MBD5: variants seen among roughly 807,000 people sequenced by gnomAD.
MBD5 encodes methyl-CpG-binding domain protein 5.
In MBD5, 13 loss-of-function variants were observed where a neutral mutation model predicts 117.3. The ratio of observed to expected loss-of-function variants is 0.11; its 90% CI spans 0.07 to 0.18. MBD5 has a LOEUF of 0.18. Ranked by LOEUF, MBD5 falls within the 10% of genes least tolerant of loss-of-function variation. The probability of loss-of-function intolerance (pLI) is 1.00; values close to 1 mark genes in which losing one functional copy is unlikely to be tolerated. For synonymous variants in MBD5, 727 were observed against 766.4 expected (o/e 0.95, Z 0.85); for missense variants, 1,879 against 2,093.8 (o/e 0.90, Z 2.00).
intron 1 of MBD5, among the ~76,000 whole-genome samples, chr2:148,084,734 C>T (rs1044556190): frequency 3.3e-5 from 5 of 152,028 alleles, no homozygotes; most frequent in Non-Finnish European, 4.4e-5. Context: ...TTTTGGGAAC[C>T]AGCCATTATG....
At chr2:148,305,064 C>CAA (rs59840091) in intron 3 of MBD5, among the ~76,000 whole-genome samples, 8 of 128,064 alleles carry the variant, frequency 6.2e-5, no homozygotes, top group Admixed American at 2.3e-4. Context: ...GACTCCGTCT[C>CAA]AAAAAAAAAA....
intron 1 of MBD5, among the ~76,000 whole-genome samples, chr2:148,094,828 A>T (rs1396594827): frequency 1.3e-5 from 2 of 152,190 alleles, no homozygotes; most frequent in Non-Finnish European, 2.9e-5. Flanking sequence ...ATAGCTATAC[A>T]TAGAGATAAT....
At chr2:148,196,900 T>A (rs930555664) in intron 2 of MBD5, among the ~76,000 whole-genome samples, 1 of 152,122 alleles carries the variant, frequency 6.6e-6, no homozygotes, top group African/African-American at 2.4e-5. Context: ...ATAGATTGTA[T>A]AGCATTTGGT....
At chr2:148,507,318 T>C (rs1682062836) in intron 12 of MBD5, among the ~76,000 whole-genome samples, 1 of 152,204 alleles carries the variant, frequency 6.6e-6, no homozygotes, top group South Asian at 2.1e-4. Context: ...AAAACTATAG[T>C]CAAATATCCA....
intron 1 of MBD5, among the ~76,000 whole-genome samples, chr2:148,165,296 AGAAT>A (rs1167832286): frequency 4.6e-5 from 7 of 152,132 alleles, no homozygotes; most frequent in African/African-American, 1.7e-4. Flanking sequence ...AATATTACAT[AGAAT>A]GAAATGAATT....
intron 1 of MBD5, among the ~76,000 whole-genome samples, chr2:148,134,802 T>G (rs915289515): frequency 1.2e-4 from 18 of 152,230 alleles, no homozygotes; most frequent in African/African-American, 4.3e-4. Context: ...TTCTTATCCA[T>G]TTAGTTTTAA....
intron 3 of MBD5, among the ~76,000 whole-genome samples, chr2:148,297,382 C>G (rs946882290): frequency 2.0e-4 from 31 of 152,160 alleles, no homozygotes; most frequent in African/African-American, 7.5e-4. Flanking sequence ...GAGCACGCAG[C>G]CTTTCCCATG....
At chr2:148,435,363 G>A (rs533816479) in intron 4 of MBD5, among the ~76,000 whole-genome samples, 1 of 152,190 alleles carries the variant, frequency 6.6e-6, no homozygotes, top group African/African-American at 2.4e-5. Flanking sequence ...TCACTCATCT[G>A]TGTACTGTTT....
Position 148,206,466 on chromosome 2 carries a change from G to T in MBD5, c.-830-26779G>T, listed in dbSNP as rs1477171022. On this transcript the variant is annotated intron_variant, in intron 2 of 13. Transcript: ENST00000642680. The stretch of plus-strand genomic sequence containing the variant: ...CCTCAAATGTTTACCATTTCTTTGG[G>T]TTAGAAACATTTCAAACCTTCTCTT... Among the ~76,000 whole-genome samples the T allele has an allele frequency of 2.0e-5, 3 of 152,058 alleles. No individual in the cohort carries two copies. In the East Asian group the frequency reaches 5.8e-4, roughly 29 times the overall value.
intron 4 of MBD5, among the ~76,000 whole-genome samples, chr2:148,348,381 G>A (rs1418457623): frequency 1.3e-5 from 2 of 151,886 alleles, no homozygotes; most frequent in Non-Finnish European, 2.9e-5. Context: ...TCAGACTTTG[G>A]CTGATCCTCC....
chr2:148,154,196 C>T (rs1366407655), intron 1 of MBD5, among the ~76,000 whole-genome samples: 1 of 150,878 alleles, frequency 6.6e-6, no homozygotes, highest in Admixed American at 6.6e-5. Flanking sequence ...GAGTACCCTG[C>T]CGTGTGAGGT....
chr2:148,498,983 G>T (rs1364261470), intron 11 of MBD5, among the ~76,000 whole-genome samples: 1 of 152,102 alleles, frequency 6.6e-6, no homozygotes, highest in African/African-American at 2.4e-5. Context: ...TTGAATGAAA[G>T]AAGAGTTTTT....
intron 4 of MBD5, among the ~76,000 whole-genome samples, chr2:148,434,095 G>A (rs1276561437): frequency 6.6e-6 from 1 of 151,866 alleles, no homozygotes; most frequent in African/African-American, 2.4e-5. Flanking sequence ...CAGGGATTCA[G>A]TTTCACCCTG....
At chr2:148,043,286 A>T (rs1278182175) in intron 1 of MBD5, among the ~76,000 whole-genome samples, 3 of 150,884 alleles carry the variant, frequency 2.0e-5, no homozygotes, top group South Asian at 2.1e-4. Context: ...AAAATAAAAA[A>T]ATAAATAAAT....
In MBD5 at chr2:148,166,103, G is replaced by GA. The variant is rs539299179; in HGVS notation, c.-924-12590dup. 1.5e-4 allele frequency among the ~76,000 whole-genome samples: 23 copies of GA among 152,078 alleles called. No homozygotes were observed. In the East Asian group the frequency reaches 2.3e-3, roughly 15 times the overall value. ...TGACAGGACAATTCTCTAAATGTAA[G>GA]AAAAAAATCTAATAAACAAGAATGA... On this transcript the variant is annotated intron_variant, in intron 1 of 13. Transcript: ENST00000642680.
At chr2:148,062,596 T>A (rs1426407008) in intron 1 of MBD5, 1 of 152,076 alleles carries the variant, frequency 6.6e-6, no homozygotes, top group African/African-American at 2.4e-5. Flanking sequence ...GGCATATGTG[T>A]GATTACTGTT....
At chr2:148,350,546 T>G (rs1703225788) in intron 4 of MBD5, among the ~76,000 whole-genome samples, 1 of 151,994 alleles carries the variant, frequency 6.6e-6, no homozygotes. Context: ...ATAAGCCAGC[T>G]TTTACTGGAA....
At chr2:148,112,938 G>A (rs1346335037) in intron 1 of MBD5, among the ~76,000 whole-genome samples, 1 of 152,118 alleles carries the variant, frequency 6.6e-6, no homozygotes, top group Admixed American at 6.5e-5. Context: ...CGTGAAGCCA[G>A]GGGTTTGAGT....
At chr2:148,437,129 C>T (rs886353144) in intron 4 of MBD5, among the ~76,000 whole-genome samples, 5 of 124 alleles carry the variant, frequency 0.04, no homozygotes, top group African/African-American at 0.11. Context: ...ACTACAGGCA[C>T]GTGCACCGCG....
Sources: gnomAD v4.1 joint callset for allele counts (sites outside exome capture counted in the v4.1 genomes callset) on GRCh38, gnomAD v4.1.1 for gene constraint, MANE v1.5 for transcripts, NCBI Gene and HGNC (gene_info 2026-07-23, HGNC 2026-07-21) for gene names.